Variants in TMEM132C observed in about 807,000 individuals in gnomAD.
The protein encoded by TMEM132C is transmembrane protein 132C, also known as protein phosphatase 1, regulatory subunit 152.
TMEM132C carries 29 observed loss-of-function variants against 61.4 expected under a neutral mutation model. That is an observed-to-expected ratio of 0.47 (90% CI 0.35 to 0.64). The LOEUF (loss-of-function observed/expected upper bound fraction) is 0.64. Among genes scored for constraint, TMEM132C ranks in the 30% least tolerant of loss-of-function variants. The probability of loss-of-function intolerance (pLI) is 0.00; values close to 1 mark genes in which losing one functional copy is unlikely to be tolerated. For synonymous variants in TMEM132C, 656 were observed against 633.1 expected (o/e 1.04, Z -0.54); for missense variants, 1,408 against 1,476.9 (o/e 0.95, Z 0.76).
chr12:128,687,272 G>T (rs1383772005), intron 5 of TMEM132C, among the ~76,000 whole-genome samples: 1 of 151,980 alleles, frequency 6.6e-6, no homozygotes, highest in Non-Finnish European at 1.5e-5. Flanking sequence ...GCAAGGCAGG[G>T]ATTCTCAGCC....
intron 1 of TMEM132C, among the ~76,000 whole-genome samples, chr12:128,314,848 T>G (rs1872093165): frequency 6.6e-6 from 1 of 152,168 alleles, no homozygotes; most frequent in African/African-American, 2.4e-5. Context: ...TCCATTGTTT[T>G]AAGCCACTCA....
intron 1 of TMEM132C, among the ~76,000 whole-genome samples, chr12:128,392,668 CA>C (rs1290984216): frequency 6.6e-6 from 1 of 151,782 alleles, no homozygotes; most frequent in Non-Finnish European, 1.5e-5. Flanking sequence ...CTTTCTTATA[CA>C]AAAGGATATT....
At chr12:128,308,663 A>T (rs1871868217) in intron 1 of TMEM132C, among the ~76,000 whole-genome samples, 1 of 152,140 alleles carries the variant, frequency 6.6e-6, no homozygotes, top group Admixed American at 6.5e-5. Flanking sequence ...CTGCGGGTTC[A>T]CTAGGGCTGG....
At chr12:128,542,594 G>A (rs1209881953) in intron 2 of TMEM132C, among the ~76,000 whole-genome samples, 1 of 152,108 alleles carries the variant, frequency 6.6e-6, no homozygotes, top group African/African-American at 2.4e-5. Context: ...GGACGCAGTG[G>A]CTGACACCTG....
At chr12:128,698,887 C>T (rs570539406) in intron 8 of TMEM132C, among the ~76,000 whole-genome samples, 18 of 152,230 alleles carry the variant, frequency 1.2e-4, no homozygotes, top group African/African-American at 2.6e-4. Context: ...TAGTAGCAGG[C>T]GTTAGGATCC....
chr12:128,290,603 C>A (rs1162822702), intron 1 of TMEM132C, among the ~76,000 whole-genome samples: 1 of 152,142 alleles, frequency 6.6e-6, no homozygotes, highest in African/African-American at 2.4e-5. Context: ...AGGGTCCCCC[C>A]TGGCCAGGTG....
intron 2 of TMEM132C, among the ~76,000 whole-genome samples, chr12:128,485,172 C>T (rs1251124950): frequency 6.6e-6 from 1 of 152,112 alleles, no homozygotes; most frequent in Non-Finnish European, 1.5e-5. Flanking sequence ...TGAACTAAGG[C>T]TCCCTTTTTT....
At chr12:128,425,266 G>T (rs545226279) in intron 2 of TMEM132C, among the ~76,000 whole-genome samples, 1 of 152,352 alleles carries the variant, frequency 6.6e-6, no homozygotes, top group African/African-American at 2.4e-5. Flanking sequence ...CCAGCCTTTG[G>T]TACACCCCAT....
At chr12:128,320,085 C>T (rs1352990388) in intron 1 of TMEM132C, among the ~76,000 whole-genome samples, 2 of 152,148 alleles carry the variant, frequency 1.3e-5, no homozygotes, top group African/African-American at 4.8e-5. Context: ...CAACCCAAGT[C>T]GCCAAAAGTT....
At chr12:128,325,061 G>C (rs1872461300) in intron 1 of TMEM132C, among the ~76,000 whole-genome samples, 1 of 152,098 alleles carries the variant, frequency 6.6e-6, no homozygotes, top group Non-Finnish European at 1.5e-5. Flanking sequence ...TAGAGGGGAG[G>C]AGAGGTACTA....
Position 128,281,967 on chromosome 12 carries a change from G to A in TMEM132C, c.85+14480G>A, listed in dbSNP as rs1020600402. Among the ~76,000 whole-genome samples the A allele has an allele frequency of 4.6e-5, 7 of 152,192 alleles. No individual in the cohort carries two copies. The South Asian group carries it at 1.2e-3, about 27-fold the overall frequency. On this transcript the variant is annotated intron_variant, in intron 1 of 8. Transcript: ENST00000435159. Reference sequence around the variant, plus strand: ...AAAGGGACTTTGAACATTGGAGTTGGATTCTCTTTCCTCCTGAGGCTGACA... The same window carrying A: ...AAAGGGACTTTGAACATTGGAGTTGAATTCTCTTTCCTCCTGAGGCTGACA...
At chr12:128,573,437 C>T (rs1874971409) in intron 3 of TMEM132C, among the ~76,000 whole-genome samples, 1 of 151,804 alleles carries the variant, frequency 6.6e-6, no homozygotes. Flanking sequence ...GAACATCACA[C>T]ACCGGGGCCT....
At chr12:128,382,512 C>T (rs899293525) in intron 1 of TMEM132C, among the ~76,000 whole-genome samples, 8 of 152,162 alleles carry the variant, frequency 5.3e-5, no homozygotes, top group African/African-American at 1.9e-4. Flanking sequence ...TGGCTAATGG[C>T]TCAGTGTTGG....
intron 4 of TMEM132C, among the ~76,000 whole-genome samples, chr12:128,643,293 G>A: frequency 6.6e-6 from 1 of 152,170 alleles, no homozygotes; most frequent in East Asian, 1.9e-4. Flanking sequence ...ATTTGCAAAA[G>A]GTTTGAATTA....
chr12:128,521,628 A>G (rs980040001), intron 2 of TMEM132C, among the ~76,000 whole-genome samples: 1 of 152,138 alleles, frequency 6.6e-6, no homozygotes, highest in Non-Finnish European at 1.5e-5. Context: ...AGACAAATCC[A>G]TCCTTGATTT....
intron 2 of TMEM132C, among the ~76,000 whole-genome samples, chr12:128,441,592 G>C (rs1382081364): frequency 6.6e-6 from 1 of 152,190 alleles, no homozygotes; most frequent in Non-Finnish European, 1.5e-5. Flanking sequence ...CTGCAGACAG[G>C]TGAGTCATTG....
intron 2 of TMEM132C, among the ~76,000 whole-genome samples, chr12:128,473,427 T>TACTTCA (rs1871041549): frequency 1.6e-5 from 1 of 62,006 alleles, no homozygotes; most frequent in Non-Finnish European, 3.6e-5. Context: ...TCTTCATCTT[T>TACTTCA]GCTCCAGCCT....
chr12:128,479,964 A>T (rs1402691378), intron 2 of TMEM132C, among the ~76,000 whole-genome samples: 2 of 152,176 alleles, frequency 1.3e-5, no homozygotes, highest in African/African-American at 4.8e-5. Flanking sequence ...TGGGGGGAAA[A>T]GTCTCCTTTT....
At chr12:128,631,170 A>G (rs1261895476) in intron 4 of TMEM132C, among the ~76,000 whole-genome samples, 8 of 152,254 alleles carry the variant, frequency 5.3e-5, no homozygotes, top group Non-Finnish European at 8.8e-5. Flanking sequence ...TTTGGTCGTA[A>G]TGGTCTGTGT....
Sources: allele counts gnomAD v4.1 joint callset (sites outside exome capture counted in the v4.1 genomes callset), GRCh38; gene constraint gnomAD v4.1.1; transcripts MANE v1.5; gene names NCBI Gene and HGNC (gene_info 2026-07-23, HGNC 2026-07-21).